The following RALYL variants were observed in gnomAD, a reference collection of about 807,000 sequenced individuals.
RALYL encodes the protein RALY RNA binding protein like.
Under a neutral mutation model 35.1 loss-of-function variants are expected in RALYL, and 29 were observed. The observed-to-expected ratio is 0.83, with a 90% CI of 0.61 to 1.13. The LOEUF is 1.13. Ranked by LOEUF, RALYL falls within the 50% of genes most tolerant of loss-of-function variation. The pLI is 0.00. For missense variants in RALYL, 359 were observed against 360.4 expected (o/e 1.00, Z 0.03); for synonymous variants, 120 against 127.6 (o/e 0.94, Z 0.40).
At chr8:84,253,176 G>T (rs1438283159) in intron 1 of RALYL, among the ~76,000 whole-genome samples, 76 of 52,836 alleles carry the variant, frequency 1.4e-3, no homozygotes, top group Admixed American at 3.2e-3. Context: ...TAGTTCTGCA[G>T]TTTTTTTTTT....
At chr8:84,683,439 G>C (rs528476328) in intron 2 of RALYL, among the ~76,000 whole-genome samples, 1 of 152,190 alleles carries the variant, frequency 6.6e-6, no homozygotes, top group South Asian at 2.1e-4. Flanking sequence ...GTTGACAGTG[G>C]GGTGTTAAAG....
intron 1 of RALYL, among the ~76,000 whole-genome samples, chr8:84,407,450 A>G (rs1052877035): frequency 6.6e-6 from 1 of 152,212 alleles, no homozygotes; most frequent in South Asian, 2.1e-4. Context: ...TGTGTCTATC[A>G]TTCTTATTCA....
intron 3 of RALYL, among the ~76,000 whole-genome samples, chr8:84,789,554 A>G (rs2133834154): frequency 6.6e-6 from 1 of 152,286 alleles, no homozygotes; most frequent in Middle Eastern, 3.4e-3. Context: ...AAAAAACATT[A>G]TATGATCTCA....
intron 1 of RALYL, among the ~76,000 whole-genome samples, chr8:84,272,447 T>C (rs1439924531): frequency 6.6e-6 from 1 of 152,148 alleles, no homozygotes; most frequent in Non-Finnish European, 1.5e-5. Context: ...AGCATCCATC[T>C]GGAGAGAAAA....
chr8:84,453,109 G>A (rs1189400340), intron 1 of RALYL, among the ~76,000 whole-genome samples: 1 of 151,892 alleles, frequency 6.6e-6, no homozygotes, highest in Non-Finnish European at 1.5e-5. Flanking sequence ...GTGATATTAT[G>A]TTATTTCGTT....
At chr8:84,602,048 A>G (rs752306609) in intron 2 of RALYL, among the ~76,000 whole-genome samples, 5 of 152,010 alleles carry the variant, frequency 3.3e-5, no homozygotes, top group Admixed American at 1.3e-4. Flanking sequence ...TTTGTACTGC[A>G]TACTCTCTCT....
chr8:84,919,438 A>G (rs780940685), intron 8 of RALYL, among the ~76,000 whole-genome samples: 2 of 152,068 alleles, frequency 1.3e-5, no homozygotes, highest in Non-Finnish European at 2.9e-5. Context: ...ACACCACACA[A>G]AAAGTAGTCT....
intron 2 of RALYL, among the ~76,000 whole-genome samples, chr8:84,675,689 C>T (rs187869247): frequency 6.6e-6 from 1 of 152,198 alleles, no homozygotes; most frequent in Admixed American, 6.5e-5. Flanking sequence ...TGTTTGGTCA[C>T]ATCCAAAAAG....
chr8:84,858,333 G>C (rs550813932), intron 5 of RALYL, among the ~76,000 whole-genome samples: 2 of 152,180 alleles, frequency 1.3e-5, no homozygotes, highest in Admixed American at 1.3e-4. Context: ...CTGTAAAATG[G>C]ACCTTGAGGA....
intron 2 of RALYL, among the ~76,000 whole-genome samples, chr8:84,671,181 A>ACATC (rs1833148750): frequency 6.6e-6 from 1 of 152,158 alleles, no homozygotes; most frequent in African/African-American, 2.4e-5. Context: ...ACCATGTCTC[A>ACATC]CATCCAGGTC....
At chr8:84,300,476 T>G (rs1840561043) in intron 1 of RALYL, among the ~76,000 whole-genome samples, 1 of 152,050 alleles carries the variant, frequency 6.6e-6, no homozygotes, top group Non-Finnish European at 1.5e-5. Context: ...GTGTCAAGTA[T>G]AGGTCCTGAA....
At chr8:84,428,102 TCTCTCA>T (rs1199482297) in intron 1 of RALYL, among the ~76,000 whole-genome samples, 91 of 131,230 alleles carry the variant, frequency 6.9e-4, no homozygotes, top group African/African-American at 2.8e-3. Context: ...TCTCTCTCTC[TCTCTCA>T]CACACACACA....
intron 2 of RALYL, among the ~76,000 whole-genome samples, chr8:84,649,790 T>G (rs866928984): frequency 3.8e-4 from 58 of 152,244 alleles, no homozygotes; most frequent in African/African-American, 1.2e-3. Context: ...ATATGAACTT[T>G]AAAGTAGTTT....
At chr8:84,622,436 A>C (rs1056665013) in intron 2 of RALYL, among the ~76,000 whole-genome samples, 3 of 152,202 alleles carry the variant, frequency 2.0e-5, no homozygotes, top group Non-Finnish European at 4.4e-5. Flanking sequence ...CTAAGTATTT[A>C]AAAATTTTGG....
chr8:84,685,628 G>A (rs1295892313), intron 2 of RALYL, among the ~76,000 whole-genome samples: 1 of 152,096 alleles, frequency 6.6e-6, no homozygotes, highest in African/African-American at 2.4e-5. Context: ...TGACATACAT[G>A]TTCCTGAAAA....
chr8:84,764,114 A>T (rs761894526), intron 2 of RALYL, among the ~76,000 whole-genome samples: 20 of 152,308 alleles, frequency 1.3e-4, no homozygotes, highest in Non-Finnish European at 2.5e-4. Flanking sequence ...GTGTCTTGGG[A>T]AGAAACCACC....
At chr8:84,396,367 G>A (rs973864374) in intron 1 of RALYL, among the ~76,000 whole-genome samples, 1 of 151,880 alleles carries the variant, frequency 6.6e-6, no homozygotes, top group African/African-American at 2.4e-5. Flanking sequence ...TCAAATCTCA[G>A]GTCTGCATTT....
At chr8:84,317,748 A>G (rs73306938) in intron 1 of RALYL, among the ~76,000 whole-genome samples, 1,907 of 152,218 alleles carry the variant, frequency 0.013, 55 homozygotes, top group African/African-American at 0.043. Context: ...ATAATTGAAA[A>G]TTTTTGAAGA....
chr8:84,666,125 T>C (rs753862356), intron 2 of RALYL, among the ~76,000 whole-genome samples: 3 of 152,022 alleles, frequency 2.0e-5, no homozygotes, highest in Non-Finnish European at 2.9e-5. Flanking sequence ...GCTCTTTGAT[T>C]CTGCCAACCA....
Sources: gnomAD v4.1 joint callset for allele counts (sites outside exome capture counted in the v4.1 genomes callset) on GRCh38, gnomAD v4.1.1 for gene constraint, MANE v1.5 for transcripts, NCBI Gene and HGNC (gene_info 2026-07-23, HGNC 2026-07-21) for gene names.